The following PMS1 variants were observed in gnomAD, a reference collection of about 807,000 sequenced individuals.
PMS1 encodes the protein PMS1 homolog 1, mismatch repair system component.
Under a neutral mutation model 93.1 loss-of-function variants are expected in PMS1, and 79 were observed. That is an observed-to-expected ratio of 0.85 (90% CI 0.71 to 1.02). PMS1 has a LOEUF of 1.02. PMS1 is among the 50% of genes least tolerant of loss of function. PMS1 has a pLI of 0.00. For synonymous variants in PMS1, 335 were observed against 363.4 expected (o/e 0.92, Z 0.89); for missense variants, 1,064 against 1,085.3 (o/e 0.98, Z 0.28).
At chr2:189,809,233 A>G (rs1023103020) in intron 4 of PMS1, among the ~76,000 whole-genome samples, 1 of 152,170 alleles carries the variant, frequency 6.6e-6, no homozygotes, top group African/African-American at 2.4e-5. Context: ...TACATTAGGA[A>G]TATAAATAGC....
chr2:189,843,934 A>G, intron 5 of PMS1, 30 bp from the exon 6 acceptor site: 2 of 1,570,324 alleles, frequency 1.3e-6, no homozygotes, highest in Non-Finnish European at 1.8e-6. Context: ...AAATTGTATT[A>G]AAAGTTATCT....
At chr2:189,789,130 T>C (rs2048622501) in intron 1 of PMS1, among the ~76,000 whole-genome samples, 1 of 152,098 alleles carries the variant, frequency 6.6e-6, no homozygotes, top group African/African-American at 2.4e-5. Context: ...AATTAGAGGG[T>C]AGTTAGTATT....
Position 189,795,934 on chromosome 2 carries a change from A to G in PMS1, c.298A>G (p.Ile100Val), listed in dbSNP as rs768152350. Residue 100 changes from isoleucine to valine, a missense_variant, in exon 3 of 13, where the codon ATT becomes GTT. Ile to Val is a conservative substitution (Grantham distance 29, BLOSUM62 3). Coordinates refer to ENST00000441310, the MANE Select transcript of PMS1 (RefSeq NM_000534.5). ...TTTTCGTGGAGAAGCCTTGGGGTCA[A>G]TTTGTTGTATAGCTGAGGTAAGGTA... The part of the protein sequence containing the change: ...YGFRGEALGS[I>V]CCIAEVLITT... The G allele has an allele frequency of 1.2e-6, 2 of 1,608,960 alleles. No homozygotes were observed. The highest frequency in any genetic ancestry group is 1.7e-6 in the Non-Finnish European group (2 of 1,175,240).
At chr2:189,805,229 A>G (rs1214182940) in intron 3 of PMS1, among the ~76,000 whole-genome samples, 1 of 152,094 alleles carries the variant, frequency 6.6e-6, no homozygotes, top group Non-Finnish European at 1.5e-5. Flanking sequence ...AGTTTTACAC[A>G]TAATAAAGAA....
At chr2:189,852,071 AT>A (rs1314294298) in intron 6 of PMS1, among the ~76,000 whole-genome samples, 2 of 152,184 alleles carry the variant, frequency 1.3e-5, no homozygotes, top group Non-Finnish European at 2.9e-5. Context: ...ATTCAGTAAA[AT>A]TTTTATAGAA....
intron 3 of PMS1, among the ~76,000 whole-genome samples, chr2:189,798,187 T>G (rs896113732): frequency 6.6e-6 from 1 of 152,230 alleles, no homozygotes; most frequent in South Asian, 2.1e-4. Flanking sequence ...TTCTACTGAA[T>G]GCATATCACT....
At position 189,877,046 on chromosome 2, in the gene PMS1, T is replaced by G. The variant is rs144002726; in HGVS notation, c.2635-226T>G. On this transcript the variant is annotated intron_variant, in intron 12 of 12. Coordinates refer to ENST00000441310, the MANE Select transcript of PMS1 (RefSeq NM_000534.5). Reference sequence around the variant, plus strand: ...CTAAAATGTTCTGTCTTTTGTCTGTTTTCTGTTTCTCTGCACTAGAATGTA... The same window carrying G: ...CTAAAATGTTCTGTCTTTTGTCTGTGTTCTGTTTCTCTGCACTAGAATGTA... Among the ~76,000 whole-genome samples the G allele has an allele frequency of 2.0e-5, 3 of 152,320 alleles. No individual in the cohort carries two copies. In the East Asian group the frequency reaches 5.8e-4, roughly 29 times the overall value.
intron 4 of PMS1, among the ~76,000 whole-genome samples, chr2:189,816,036 G>T (rs577593356): frequency 7.9e-5 from 12 of 152,164 alleles, no homozygotes; most frequent in African/African-American, 2.6e-4. Context: ...AAGTAGCTAG[G>T]ACTATAGGCA....
chr2:189,830,531 T>C (rs762228941), intron 5 of PMS1, among the ~76,000 whole-genome samples: 75 of 152,330 alleles, frequency 4.9e-4, no homozygotes, highest in Middle Eastern at 6.8e-3. Flanking sequence ...CTTGAACTTA[T>C]CAGTATCCAA....
intron 5 of PMS1, among the ~76,000 whole-genome samples, chr2:189,833,916 G>A (rs903764125): frequency 6.6e-6 from 1 of 152,066 alleles, no homozygotes; most frequent in Non-Finnish European, 1.5e-5. Context: ...TCATCCTTAG[G>A]AAGAACTTAC....
chr2:189,815,550 G>A (rs376344868), intron 4 of PMS1, among the ~76,000 whole-genome samples: 3 of 152,210 alleles, frequency 2.0e-5, no homozygotes, highest in East Asian at 1.9e-4. Flanking sequence ...CTCTCATGCC[G>A]CCTTGTGAAG....
intron 7 of PMS1, among the ~76,000 whole-genome samples, chr2:189,853,462 T>G (rs776996029): frequency 6.6e-6 from 1 of 152,134 alleles, no homozygotes; most frequent in Non-Finnish European, 1.5e-5. Flanking sequence ...TGTGCTTCAT[T>G]TAGGTTCAAG....
chr2:189,820,495 G>T (rs1391296034), intron 5 of PMS1, among the ~76,000 whole-genome samples: 1 of 151,852 alleles, frequency 6.6e-6, no homozygotes, highest in Non-Finnish European at 1.5e-5. Flanking sequence ...GATATGGGGG[G>T]TCTCCCTATG....
intron 12 of PMS1, among the ~76,000 whole-genome samples, chr2:189,874,713 CT>C (rs1361888124): frequency 6.6e-6 from 1 of 152,160 alleles, no homozygotes; most frequent in Non-Finnish European, 1.5e-5. Context: ...CTTGTTAAAC[CT>C]TCTGAAGAAT....
intron 11 of PMS1, among the ~76,000 whole-genome samples, chr2:189,871,281 A>C (rs1403934551): frequency 6.6e-6 from 1 of 152,178 alleles, no homozygotes; most frequent in African/African-American, 2.4e-5. Flanking sequence ...CCACACATAA[A>C]ATATACTAAC....
rs1377753707 is a variant in PMS1, at chr2:189,873,655, A to AGGT, written c.2634_2634+2dup. ...CCTCGCAAAGTGATAAGTTATTTAG[A>AGGT]GGTACGCATTATTTTATATATATGT... On this transcript the variant is annotated inframe_insertion and splice_region_variant, in exon 12 of 13. Transcript: ENST00000441310. The AGGT allele has an allele frequency of 6.9e-6, 11 of 1,601,272 alleles. No homozygotes were observed. Among genetic ancestry groups the AGGT allele is most frequent in the Middle Eastern group, 1.7e-4 (1 of 6,008 alleles).
chr2:189,790,604 G>A (rs547812839), intron 1 of PMS1, among the ~76,000 whole-genome samples: 1 of 152,122 alleles, frequency 6.6e-6, no homozygotes, highest in Non-Finnish European at 1.5e-5. Context: ...ATAATAATAA[G>A]TATAATGTTT....
intron 4 of PMS1, 98 bp from the exon 5 acceptor site, chr2:189,817,919 T>C: frequency 1.1e-6 from 1 of 893,676 alleles, no homozygotes. Context: ...GAGGAGACCT[T>C]CAGTTATAGA....
chr2:189,803,652 A>G (rs1377389765), intron 3 of PMS1, among the ~76,000 whole-genome samples: 1 of 152,176 alleles, frequency 6.6e-6, no homozygotes, highest in East Asian at 1.9e-4. Flanking sequence ...TCCAAAAAAA[A>G]GTTTCCTGCT....
Sources: gnomAD v4.1 joint callset for allele counts (sites outside exome capture counted in the v4.1 genomes callset) on GRCh38, gnomAD v4.1.1 for gene constraint, MANE v1.5 for transcripts, NCBI Gene and HGNC (gene_info 2026-07-23, HGNC 2026-07-21) for gene names.